Variants in LAMA3 observed in about 807,000 individuals in gnomAD.
LAMA3 encodes laminin subunit alpha-3.
LAMA3 carries 281 observed loss-of-function variants against 402.0 expected under a neutral mutation model. That is an observed-to-expected ratio of 0.70 (90% confidence interval 0.63 to 0.77). The LOEUF is 0.77. LAMA3 is among the 30% of genes least tolerant of loss of function. LAMA3 has a pLI of 0.00. For missense variants in LAMA3, 3,840 were observed against 4,215.5 expected (o/e 0.91, Z 2.47); for synonymous variants, 1,431 against 1,558.4 (o/e 0.92, Z 1.93).
At chr18:23,745,726 C>T (rs1193065227) in intron 2 of LAMA3, among the ~76,000 whole-genome samples, 1 of 152,184 alleles carries the variant, frequency 6.6e-6, no homozygotes, top group Non-Finnish European at 1.5e-5. Flanking sequence ...AAGTGCTTAA[C>T]ATGGTATGTG....
chr18:23,810,050 G>A (rs1456364796), intron 12 of LAMA3, among the ~76,000 whole-genome samples: 3 of 152,138 alleles, frequency 2.0e-5, no homozygotes, highest in South Asian at 2.1e-4. Context: ...TGAAATTCAT[G>A]ACAGCAATAA....
chr18:23,755,953 G>T (rs2061835091), intron 6 of LAMA3, among the ~76,000 whole-genome samples: 1 of 152,122 alleles, frequency 6.6e-6, no homozygotes, highest in Non-Finnish European at 1.5e-5. Context: ...GACTCAGATG[G>T]GTACCCAGCT....
At position 23,917,646 on chromosome 18, in the gene LAMA3, C is replaced by T. The variant is rs567310469; in HGVS notation, c.7923+951C>T. Among the ~76,000 whole-genome samples the T allele has an allele frequency of 8.0e-4, 122 of 152,200 alleles. 4 individuals carry two copies. The South Asian group carries it at 0.024, about 30-fold the overall frequency. On this transcript the variant is annotated intron_variant, in intron 60 of 74. Transcript: ENST00000313654. ...TATTGAGCATTTTTTCATATGCTTG[C>T]TGGCAGCATATATGTCTTCTGAAAA...
At position 23,846,459 on chromosome 18, in the gene LAMA3, G is replaced by A. The variant is rs1184680839; in HGVS notation, c.3882G>A (p.Arg1294=). 3 of 1,613,216 alleles carry A rather than the reference G, an allele frequency of 1.9e-6. No individual in the cohort carries two copies. The Admixed American group carries it at 5.0e-5, about 27-fold the overall frequency. ...QCPCQPNVIG[R]QCTRCATGHY... is the part of the protein sequence containing the mutation. ...CATGCCAGCCCAACGTCATCGGGCG[G>A]CAGTGCACCCGCTGTGCAACAGGCC... The change falls in exon 31 of 75, where the codon CGG becomes CGA. Residue 1294 remains arginine, a synonymous_variant. Coordinates refer to ENST00000313654, the MANE Select transcript of LAMA3 (RefSeq NM_198129.4).
chr18:23,864,874 A>T lies in LAMA3; in HGVS notation c.4674A>T (p.Val1558=). ...DMVLLEKKPD[V]QLTGQHMSII... is the part of the protein sequence containing the mutation. ...TTCTTCTGGAAAAGAAGCCGGATGT[A>T]CAGCTCACTGTAGGTATCAGAGCAT... Residue 1558 remains valine, a synonymous_variant, in exon 36 of 75, where the codon GTA becomes GTT. Transcript: ENST00000313654. 6.2e-7 allele frequency: 1 copy of T among 1,610,636 alleles called. No individual in the cohort carries two copies. The highest frequency in any genetic ancestry group is 1.1e-5 in the South Asian group (1 of 91,014).
At chr18:23,954,149 C>T (rs2083027111) in intron 74 of LAMA3, among the ~76,000 whole-genome samples, 1 of 152,128 alleles carries the variant, frequency 6.6e-6, no homozygotes, top group Non-Finnish European at 1.5e-5. Context: ...CACCTGTAAT[C>T]CCAGAGCTTT....
intron 40 of LAMA3, 90 bp downstream of exon 40, chr18:23,882,135 G>A (rs2064919876): frequency 5.1e-6 from 4 of 791,952 alleles, no homozygotes; most frequent in African/African-American, 3.4e-5. Context: ...TGGGGAGAAT[G>A]GGAAGTGATT....
chr18:23,954,373 A>G lies in LAMA3; in HGVS notation c.9857-130A>G, dbSNP rs370336560. 5.8e-5 allele frequency: 45 copies of G among 781,272 alleles called. No individual in the cohort carries two copies. In the East Asian group the frequency reaches 6.5e-4, roughly 11 times the overall value. 48.4% of individuals were successfully genotyped at this position (781,272 alleles called of 1,614,324 possible). A position where few individuals can be genotyped will look rare whatever the true frequency, so the allele number is the denominator to read the frequency against. ...AGCTGTGATCACACTACTGTACTTC[A>G]GCCTGGGTAACAGAGCAGGACCCTG... is the stretch of plus-strand genomic sequence containing the variant. On this transcript the variant is annotated intron_variant, in intron 74 of 74. Coordinates refer to ENST00000313654, the MANE Select transcript of LAMA3 (RefSeq NM_198129.4).
At chr18:23,717,315 G>A (rs2061118772) in intron 2 of LAMA3, among the ~76,000 whole-genome samples, 1 of 152,038 alleles carries the variant, frequency 6.6e-6, no homozygotes, top group African/African-American at 2.4e-5. Context: ...GGAGAGAAGT[G>A]GGAATTTTGA....
chr18:23,743,862 CT>C (rs2061604110), intron 2 of LAMA3, among the ~76,000 whole-genome samples: 1 of 152,168 alleles, frequency 6.6e-6, no homozygotes, highest in Non-Finnish European at 1.5e-5. Flanking sequence ...AAATGCACAA[CT>C]TTGCCTTTCT....
intron 12 of LAMA3, among the ~76,000 whole-genome samples, chr18:23,793,435 T>C (rs2062700825): frequency 1.3e-5 from 2 of 150,662 alleles, no homozygotes; most frequent in African/African-American, 2.4e-5. Flanking sequence ...GCTGAAGCAG[T>C]TGTGGGCTGA....
At chr18:23,708,290 T>G (rs1262778041) in intron 1 of LAMA3, among the ~76,000 whole-genome samples, 1 of 152,190 alleles carries the variant, frequency 6.6e-6, no homozygotes, top group Non-Finnish European at 1.5e-5. Context: ...AAGCCCCGAT[T>G]CCTTGAAGGG....
rs1312956734 is a variant in LAMA3, at chr18:23,846,545, G to A, written c.3931+37G>A. 5.8e-6 allele frequency: 9 copies of A among 1,559,170 alleles called. No individual in the cohort carries two copies. The Admixed American group carries it at 1.6e-4, about 28-fold the overall frequency. ...TTTCCCATCACCCAAGTTCTGCTCT[G>A]GTCCCGTGTGGATGATGCTTACCAG... is the stretch of plus-strand genomic sequence containing the variant. On this transcript the variant is annotated intron_variant, in intron 31 of 74. Transcript: ENST00000313654.
At chr18:23,915,810 A>G (rs2081590504) in intron 59 of LAMA3, among the ~76,000 whole-genome samples, 1 of 151,952 alleles carries the variant, frequency 6.6e-6, no homozygotes, top group Admixed American at 6.6e-5. Flanking sequence ...GTTTGAGACC[A>G]GCCTGGCCAA....
In LAMA3 at chr18:23,948,093, T is replaced by G. The variant is rs1214134139; in HGVS notation, c.9352-1672T>G. Among the ~76,000 whole-genome samples the G allele has an allele frequency of 2.0e-5, 3 of 152,216 alleles. 1 individual carries two copies. The East Asian group carries it at 5.8e-4, about 29-fold the overall frequency. On this transcript the variant is annotated intron_variant, in intron 70 of 74. Coordinates refer to ENST00000313654, the MANE Select transcript of LAMA3 (RefSeq NM_198129.4). Reference sequence around the variant, plus strand: ...TCCCAAAGTGCTGGGATTACAGGCGTGAGCCACCGTGCCCGGCCCCTATTT... The same window carrying G: ...TCCCAAAGTGCTGGGATTACAGGCGGGAGCCACCGTGCCCGGCCCCTATTT...
chr18:23,942,623 G>C (rs2082565207), intron 68 of LAMA3, among the ~76,000 whole-genome samples: 1 of 149,482 alleles, frequency 6.7e-6, no homozygotes, highest in Middle Eastern at 3.5e-3. Context: ...TGTCACCCAG[G>C]CTGGAGTGCA....
intron 2 of LAMA3, among the ~76,000 whole-genome samples, chr18:23,737,753 C>T (rs543729730): frequency 3.3e-5 from 5 of 152,208 alleles, no homozygotes; most frequent in East Asian, 1.9e-4. Flanking sequence ...AGGTGAGAAG[C>T]GAGCCAGAAG....
intron 64 of LAMA3, among the ~76,000 whole-genome samples, chr18:23,930,441 AG>A (rs931837497): frequency 6.6e-6 from 1 of 152,222 alleles, no homozygotes; most frequent in African/African-American, 2.4e-5. Context: ...CTTCAGCCAA[AG>A]AAAAATAAAA....
intron 18 of LAMA3, among the ~76,000 whole-genome samples, 196 bp downstream of exon 18, chr18:23,816,683 C>T (rs574534257): frequency 3.3e-5 from 5 of 152,270 alleles, no homozygotes; most frequent in African/African-American, 1.2e-4. Context: ...CCCATAAAGC[C>T]TGTTCTACTG....
Sources: gnomAD v4.1 joint callset for allele counts (sites outside exome capture counted in the v4.1 genomes callset) on GRCh38, gnomAD v4.1.1 for gene constraint, MANE v1.5 for transcripts, NCBI Gene and HGNC (gene_info 2026-07-23, HGNC 2026-07-21) for gene names.